SLCO1A2: variants seen among roughly 807,000 people sequenced by gnomAD.
SLCO1A2 encodes the protein OATP-1.
A neutral mutation model predicts 69.0 loss-of-function variants in SLCO1A2; 67 were observed. That is an observed-to-expected ratio of 0.97 (90% CI 0.80 to 1.19). SLCO1A2 has a LOEUF of 1.19. Among genes scored for constraint, SLCO1A2 ranks in the 50% most tolerant of loss-of-function variants. The pLI is 0.00. For missense variants in SLCO1A2, 787 were observed against 793.7 expected, an observed-to-expected ratio of 0.99 and a Z score of 0.10; for synonymous variants, 260 against 265.9, an observed-to-expected ratio of 0.98 and a Z score of 0.22.
intron 2 of SLCO1A2, among the ~76,000 whole-genome samples, chr12:21,322,009 A>C (rs1231543330): frequency 6.6e-6 from 1 of 152,222 alleles, no homozygotes; most frequent in African/African-American, 2.4e-5. Context: ...GACAAATAGC[A>C]GGCACCCAAT....
rs1949650733 is a variant in SLCO1A2, at chr12:21,308,050, A to T, written c.336-1062T>A. On this transcript the variant is annotated intron_variant, in intron 4 of 14. Transcript: ENST00000683939. ...GTATACAGTGGCTGAATATTACTTGACATTGTTTTGGATAGGCTAGGAAAT... is the reference window on the plus strand; with the variant it reads ...GTATACAGTGGCTGAATATTACTTGTCATTGTTTTGGATAGGCTAGGAAAT... 2.0e-5 allele frequency among the ~76,000 whole-genome samples: 3 copies of T among 152,310 alleles called. No individual in the cohort carries two copies. The South Asian group carries it at 6.2e-4, about 32-fold the overall frequency.
intron 6 of SLCO1A2, 116 bp downstream of exon 6, chr12:21,304,311 C>T: frequency 2.5e-6 from 2 of 793,792 alleles, no homozygotes; most frequent in Non-Finnish European, 2.0e-6. Context: ...GCCAACTGTG[C>T]CAAGATACTC....
At chr12:21,275,744 C>A (rs530687997) in intron 12 of SLCO1A2, among the ~76,000 whole-genome samples, 1 of 152,032 alleles carries the variant, frequency 6.6e-6, no homozygotes. Flanking sequence ...AGCTCGAGAC[C>A]AGCCTGGTCA....
chr12:21,293,555 A>G (rs1156921233), intron 11 of SLCO1A2, among the ~76,000 whole-genome samples: 1 of 143,814 alleles, frequency 7.0e-6, no homozygotes, highest in Non-Finnish European at 1.5e-5. Context: ...ATCCATACAT[A>G]TACACAGAAA....
At chr12:21,301,290 A>T in intron 6 of SLCO1A2, 21 bp from the exon 7 acceptor site, 5 of 1,533,516 alleles carry the variant, frequency 3.3e-6, no homozygotes, top group Non-Finnish European at 4.5e-6. Flanking sequence ...ATAAAAGTAT[A>T]AGGTTATAGT....
intron 2 of SLCO1A2, among the ~76,000 whole-genome samples, chr12:21,363,765 A>G (rs762033298): frequency 1.1e-4 from 16 of 152,224 alleles, no homozygotes; most frequent in Non-Finnish European, 1.8e-4. Context: ...AATACTATAA[A>G]CACCTCTGTG....
chr12:21,284,382 C>A (rs974883679), intron 12 of SLCO1A2, among the ~76,000 whole-genome samples: 1 of 152,150 alleles, frequency 6.6e-6, no homozygotes, highest in Non-Finnish European at 1.5e-5. Context: ...GAGTGCCAGA[C>A]AGTGGGCGCA....
chr12:21,365,740 A>G (rs1180815303), intron 2 of SLCO1A2, among the ~76,000 whole-genome samples: 1 of 152,206 alleles, frequency 6.6e-6, no homozygotes, highest in East Asian at 1.9e-4. Flanking sequence ...TGGGTGAAGG[A>G]TATGAACAGA....
At chr12:21,356,950 T>C (rs1164249051) in intron 2 of SLCO1A2, among the ~76,000 whole-genome samples, 8 of 151,988 alleles carry the variant, frequency 5.3e-5, no homozygotes, top group African/African-American at 1.5e-4. Context: ...AGATTACAAA[T>C]ATAAATATAA....
chr12:21,396,169 G>C (rs1490080324), upstream of SLCO1A2, among the ~76,000 whole-genome samples: 7 of 150,682 alleles, frequency 4.6e-5, no homozygotes, highest in Non-Finnish European at 1.0e-4. Flanking sequence ...ATACAGAGAA[G>C]TGCTTAAAGG....
At chr12:21,418,953 C>T (rs1358852355), upstream of SLCO1A2, among the ~76,000 whole-genome samples, 1 of 151,954 alleles carries the variant, frequency 6.6e-6, no homozygotes, top group African/African-American at 2.4e-5. Flanking sequence ...TTTAGTAGCA[C>T]ACAAAAATTG....
At chr12:21,282,555 T>C (rs80014970) in intron 12 of SLCO1A2, among the ~76,000 whole-genome samples, 1,687 of 152,186 alleles carry the variant, frequency 0.011, 32 homozygotes, top group African/African-American at 0.039. Context: ...ACTTTCACCA[T>C]TGTTATTCAA....
intron 2 of SLCO1A2, among the ~76,000 whole-genome samples, chr12:21,370,314 T>C (rs1939683589): frequency 6.6e-6 from 1 of 151,960 alleles, no homozygotes; most frequent in Admixed American, 6.6e-5. Context: ...CCTTATAAAA[T>C]ACCAGGTCTT....
intron 2 of SLCO1A2, among the ~76,000 whole-genome samples, chr12:21,356,784 TA>T (rs1938402313): frequency 6.6e-6 from 1 of 152,088 alleles, no homozygotes; most frequent in South Asian, 2.1e-4. Flanking sequence ...TCTAGTAAGG[TA>T]AAAAGTATAA....
Position 21,274,476 on chromosome 12 carries a change from T to C in SLCO1A2, c.1786A>G (p.Thr596Ala), listed in dbSNP as rs1487240276. 1.3e-6 allele frequency: 2 copies of C among 1,594,952 alleles called. No homozygotes were observed. Among genetic ancestry groups the C allele is most frequent in the Non-Finnish European group, 1.7e-6 (2 of 1,162,740 alleles). The change falls in exon 14 of 15, where the codon ACC (threonine) becomes GCC (alanine). Residue 596 changes from threonine to alanine, a missense_variant. Thr to Ala is a moderately conservative substitution (Grantham distance 58). Coordinates refer to ENST00000683939, the MANE Select transcript of SLCO1A2 (RefSeq NM_001386879.1). Reference sequence around the variant, plus strand: ...ACAAATTATTATCTTTACCTGAAGGTGGTGGAATCATATATCCTGCATGCC... The same window carrying C: ...ACAAATTATTATCTTTACCTGAAGGCGGTGGAATCATATATCCTGCATGCC... ...SGACRIYDST[T>A]FRYIYLGLPA...
intron 10 of SLCO1A2, chr12:21,294,813 T>C (rs904398500): frequency 1.3e-5 from 2 of 152,186 alleles, no homozygotes; most frequent in Non-Finnish European, 1.5e-5. Flanking sequence ...ATTTAATCTG[T>C]AAAGTGGAGA....
intron 2 of SLCO1A2, among the ~76,000 whole-genome samples, chr12:21,362,090 T>C (rs1266636061): frequency 6.6e-6 from 1 of 151,996 alleles, no homozygotes; most frequent in East Asian, 1.9e-4. Flanking sequence ...AGACACATAA[T>C]TGTCAGATTC....
chr12:21,378,510 G>A, intron 1 of SLCO1A2: 1 of 1,115,364 alleles, frequency 9.0e-7, no homozygotes, highest in Non-Finnish European at 1.4e-6. Flanking sequence ...TCTCCAGTGT[G>A]AATATATGGT....
intron 1 of SLCO1A2, among the ~76,000 whole-genome samples, chr12:21,387,065 C>A (rs899340795): frequency 1.2e-4 from 19 of 152,304 alleles, no homozygotes; most frequent in Admixed American, 5.9e-4. Flanking sequence ...AAAGAGACTG[C>A]TGGCTTTTTG....
Sources: allele counts gnomAD v4.1 joint callset (sites outside exome capture counted in the v4.1 genomes callset), GRCh38; gene constraint gnomAD v4.1.1; transcripts MANE v1.5; gene names NCBI Gene and HGNC (gene_info 2026-07-23, HGNC 2026-07-21).